ALDH18A1: variants seen among roughly 807,000 people sequenced by gnomAD.
ALDH18A1 encodes delta-1-pyrroline-5-carboxylate synthase.
A neutral mutation model predicts 88.8 loss-of-function variants in ALDH18A1; 44 were observed. That is an observed-to-expected ratio of 0.50 (90% CI 0.39 to 0.64). The LOEUF is 0.64. Ranked by LOEUF, ALDH18A1 falls within the 30% of genes least tolerant of loss-of-function variation. The probability of loss-of-function intolerance (pLI) is 0.00; values close to 1 mark genes in which losing one functional copy is unlikely to be tolerated. For synonymous variants in ALDH18A1, 331 were observed against 372.1 expected (o/e 0.89, Z 1.27); for missense variants, 782 against 1,009.5 (o/e 0.77, Z 3.05).
chr10:95,609,798 C>T (rs1180950933), intron 17 of ALDH18A1, among the ~76,000 whole-genome samples: 5 of 79,794 alleles, frequency 6.3e-5, no homozygotes, highest in African/African-American at 2.6e-4. Context: ...GATGGTGTCT[C>T]ACTCTGTCCT....
chr10:95,609,770 T>TTTTTTTTTTTTTG, intron 17 of ALDH18A1, among the ~76,000 whole-genome samples: 1 of 8,086 alleles, frequency 1.2e-4, no homozygotes, highest in Non-Finnish European at 8.2e-4. Flanking sequence ...TCTGTCTCTA[T>TTTTTTTTTTTTTG]TTTTTTTTTT....
At chr10:95,615,854 G>T (rs1416947109) in intron 13 of ALDH18A1, among the ~76,000 whole-genome samples, 7 of 152,182 alleles carry the variant, frequency 4.6e-5, no homozygotes, top group Non-Finnish European at 7.3e-5. Context: ...CTTTACCTCT[G>T]AATCTGTTTT....
intron 5 of ALDH18A1, among the ~76,000 whole-genome samples, chr10:95,635,031 C>T (rs543635778): frequency 1.3e-5 from 2 of 152,166 alleles, no homozygotes; most frequent in Admixed American, 1.3e-4. Flanking sequence ...ATATAAAACA[C>T]AGGAAACATA....
In ALDH18A1 at chr10:95,606,491, C is replaced by T. The variant is rs1468823530; in HGVS notation, c.*271G>A. On this transcript the variant is annotated 3_prime_UTR_variant, in exon 18 of 18. Transcript: ENST00000371224. ...CCTCGCCTTTTTTATGGGGAAAATGCACCTTTCAATCCTAGAAGATAATTG... is the reference window on the plus strand; with the variant it reads ...CCTCGCCTTTTTTATGGGGAAAATGTACCTTTCAATCCTAGAAGATAATTG... The T allele has an allele frequency of 2.3e-6, 3 of 1,300,260 alleles. No homozygotes were observed. The highest frequency in any genetic ancestry group is 1.5e-5 in the African/African-American group (1 of 66,934). The allele number at this position is 1,300,260 out of a possible 1,614,324, so 80.5% of individuals were successfully genotyped here. A position where few individuals can be genotyped will look rare whatever the true frequency, so the allele number is the denominator to read the frequency against.
At chr10:95,640,215 T>C (rs2097888789) in intron 3 of ALDH18A1, among the ~76,000 whole-genome samples, 1 of 138,620 alleles carries the variant, frequency 7.2e-6, no homozygotes, top group Non-Finnish European at 1.6e-5. Context: ...TCTTCCCCTT[T>C]ACTCATCCAT....
chr10:95,627,874 G>A (rs1389537220), intron 8 of ALDH18A1, among the ~76,000 whole-genome samples: 1 of 152,172 alleles, frequency 6.6e-6, no homozygotes, highest in Admixed American at 6.5e-5. Context: ...GATTTACTGT[G>A]CCTCAACTTA....
At chr10:95,624,559 T>C (rs759039591) in intron 11 of ALDH18A1, among the ~76,000 whole-genome samples, 3 of 152,060 alleles carry the variant, frequency 2.0e-5, no homozygotes, top group Non-Finnish European at 2.9e-5. Flanking sequence ...ATGTTCAAGA[T>C]AATGCAAAGG....
intron 6 of ALDH18A1, 94 bp from the exon 7 acceptor site, chr10:95,633,143 C>G (rs12358350): frequency 8.3e-7 from 1 of 1,207,516 alleles, no homozygotes; most frequent in East Asian, 2.4e-5. Context: ...CAAAACCAAG[C>G]TAGGATCAGG....
rs1488774481 is a variant in ALDH18A1, at chr10:95,633,069, G to A, written c.718-20C>T. The A allele has an allele frequency of 3.8e-6, 6 of 1,598,110 alleles. No homozygotes were observed. The highest frequency in any genetic ancestry group is 5.1e-6 in the Non-Finnish European group (6 of 1,165,522). ...AATAACCTAGAATGCAGATTAAAAAGTCATAAGTGAGTGAGCTAAGCAGTC... is the reference window on the plus strand; with the variant it reads ...AATAACCTAGAATGCAGATTAAAAAATCATAAGTGAGTGAGCTAAGCAGTC... On this transcript the variant is annotated intron_variant, in intron 6 of 17. Coordinates refer to ENST00000371224, the MANE Select transcript of ALDH18A1 (RefSeq NM_002860.4).
chr10:95,644,383 C>A (rs768021345), intron 2 of ALDH18A1, among the ~76,000 whole-genome samples: 3 of 152,140 alleles, frequency 2.0e-5, no homozygotes, highest in Non-Finnish European at 4.4e-5. Flanking sequence ...GATTCTTTTT[C>A]TTGTAACACT....
At chr10:95,649,274 G>A (rs763270747) in intron 2 of ALDH18A1, among the ~76,000 whole-genome samples, 11 of 152,032 alleles carry the variant, frequency 7.2e-5, no homozygotes, top group African/African-American at 1.4e-4. Flanking sequence ...CCTGCAGGTT[G>A]GGAGGTCAAG....
chr10:95,615,777 A>G (rs544123895), intron 13 of ALDH18A1, among the ~76,000 whole-genome samples: 77 of 152,332 alleles, frequency 5.1e-4, no homozygotes, highest in African/African-American at 1.5e-3. Flanking sequence ...AAGAAAAAAA[A>G]GGATCTGGAG....
At chr10:95,616,241 A>T (rs1228982935) in intron 13 of ALDH18A1, among the ~76,000 whole-genome samples, 2 of 152,224 alleles carry the variant, frequency 1.3e-5, no homozygotes, top group Non-Finnish European at 2.9e-5. Flanking sequence ...TCTAATTGAC[A>T]TTCTTGTAAA....
At chr10:95,611,157 T>C (rs985551222) in intron 16 of ALDH18A1, 99 bp downstream of exon 16, 1 of 1,417,970 alleles carries the variant, frequency 7.1e-7, no homozygotes, top group African/African-American at 1.4e-5. Flanking sequence ...ATAAGCCTAC[T>C]CAAATGATGT....
chr10:95,622,306 T>C (rs549129318), intron 11 of ALDH18A1, among the ~76,000 whole-genome samples: 2 of 152,264 alleles, frequency 1.3e-5, no homozygotes, highest in East Asian at 3.9e-4. Context: ...CAAGTGATCC[T>C]CCTGCTTCAG....
At chr10:95,638,196 A>T (rs1440428721) in intron 3 of ALDH18A1, among the ~76,000 whole-genome samples, 1 of 151,958 alleles carries the variant, frequency 6.6e-6, no homozygotes, top group Non-Finnish European at 1.5e-5. Context: ...CTTTTTTAAC[A>T]CATTTTTGTA....
At chr10:95,622,667 A>G (rs929725536) in intron 11 of ALDH18A1, among the ~76,000 whole-genome samples, 3 of 152,130 alleles carry the variant, frequency 2.0e-5, no homozygotes, top group African/African-American at 7.2e-5. Flanking sequence ...CCTTCTGAGT[A>G]GCTGGGACTA....
chr10:95,654,166 CTTT>C (rs34306795), intron 1 of ALDH18A1, among the ~76,000 whole-genome samples: 2 of 138,426 alleles, frequency 1.4e-5, no homozygotes, highest in Non-Finnish European at 3.1e-5. Flanking sequence ...ATTATTGTAG[CTTT>C]TTTTTTTTTT....
chr10:95,608,866 G>A (rs2097827727), intron 17 of ALDH18A1, among the ~76,000 whole-genome samples: 1 of 152,080 alleles, frequency 6.6e-6, no homozygotes, highest in African/African-American at 2.4e-5. Flanking sequence ...ATGTATTATT[G>A]GAGGTTTTTT....
Sources: gnomAD v4.1 joint callset for allele counts (sites outside exome capture counted in the v4.1 genomes callset) on GRCh38, gnomAD v4.1.1 for gene constraint, MANE v1.5 for transcripts, NCBI Gene and HGNC (gene_info 2026-07-23, HGNC 2026-07-21) for gene names.